Variants in DTNA observed in about 807,000 individuals in gnomAD.
DTNA encodes the protein dystrobrevin alpha.
DTNA carries 43 observed loss-of-function variants against 100.7 expected under a neutral mutation model. The ratio of observed to expected loss-of-function variants is 0.43; its 90% CI spans 0.33 to 0.55. DTNA has a LOEUF of 0.55. Ranked by LOEUF, DTNA falls within the 20% of genes least tolerant of loss-of-function variation. The pLI is 0.04. For synonymous variants in DTNA, 349 were observed against 347.9 expected, an observed-to-expected ratio of 1.00 and a Z score of -0.04; for missense variants, 798 against 953.9, an observed-to-expected ratio of 0.84 and a Z score of 2.15.
chr18:34,504,039 G>A (rs1440621881), intron 1 of DTNA: 1 of 151,008 alleles, frequency 6.6e-6, no homozygotes, highest in African/African-American at 2.4e-5. Flanking sequence ...TGTATTTTTA[G>A]TAGAGATGGG....
In DTNA at chr18:34,699,955, C is replaced by T. The variant is rs529625399; in HGVS notation, c.-1-56021C>T. Among the ~76,000 whole-genome samples the T allele has an allele frequency of 2.0e-5, 3 of 152,186 alleles. No individual in the cohort carries two copies. In the South Asian group the frequency reaches 6.2e-4, roughly 32 times the overall value. ...AAGTTCAAAGGTTATACTCAGGACC[C>T]TGTCTCTTTCCGCCTTTCTCAGCAC... On this transcript the variant is annotated intron_variant, in intron 1 of 19. Transcript: ENST00000283365.
intron 1 of DTNA, among the ~76,000 whole-genome samples, chr18:34,750,356 C>T (rs1236453721): frequency 2.0e-5 from 3 of 152,132 alleles, no homozygotes; most frequent in East Asian, 1.9e-4. Context: ...TAGGAGGATT[C>T]CTTTAAGAAA....
chr18:34,581,857 C>T (rs762438500), intron 1 of DTNA, among the ~76,000 whole-genome samples: 7 of 151,904 alleles, frequency 4.6e-5, no homozygotes, highest in Admixed American at 6.6e-5. Context: ...TTCTTGACCT[C>T]GTGATCCGCC....
At chr18:34,548,549 A>AT (rs1363518972) in intron 1 of DTNA, among the ~76,000 whole-genome samples, 1 of 152,096 alleles carries the variant, frequency 6.6e-6, no homozygotes, top group African/African-American at 2.4e-5. Context: ...ATATTAAGTG[A>AT]TTAAAAAGGC....
chr18:34,599,397 GA>G (rs1236736491), intron 1 of DTNA, among the ~76,000 whole-genome samples: 2 of 152,080 alleles, frequency 1.3e-5, no homozygotes, highest in African/African-American at 2.4e-5. Context: ...CCAAACAGCT[GA>G]ACTCATTTTT....
At chr18:34,623,449 G>C (rs895816098) in intron 1 of DTNA, among the ~76,000 whole-genome samples, 3 of 152,094 alleles carry the variant, frequency 2.0e-5, no homozygotes, top group Non-Finnish European at 4.4e-5. Flanking sequence ...TTCTTTTCTT[G>C]TTTGTACAAA....
At chr18:34,678,056 A>G (rs1216819170) in intron 1 of DTNA, among the ~76,000 whole-genome samples, 1 of 152,164 alleles carries the variant, frequency 6.6e-6, no homozygotes, top group Non-Finnish European at 1.5e-5. Context: ...AGGAGAGAGA[A>G]GTGCCGAGCA....
At chr18:34,611,434 A>G (rs1461983323) in intron 1 of DTNA, among the ~76,000 whole-genome samples, 1 of 152,204 alleles carries the variant, frequency 6.6e-6, no homozygotes, top group Non-Finnish European at 1.5e-5. Context: ...ATAAATCTTT[A>G]TTCATATGAA....
At chr18:34,840,229 C>G (rs1290323139) in intron 13 of DTNA, among the ~76,000 whole-genome samples, 1 of 152,122 alleles carries the variant, frequency 6.6e-6, no homozygotes. Context: ...TGACGTAAAT[C>G]CATCTCTTTC....
At chr18:34,719,156 C>A (rs576960165) in intron 1 of DTNA, among the ~76,000 whole-genome samples, 1 of 151,854 alleles carries the variant, frequency 6.6e-6, no homozygotes, top group South Asian at 2.1e-4. Context: ...ATGGCGAAAC[C>A]CCGTCTCTAC....
In DTNA at chr18:34,848,297, A is replaced by C; in HGVS notation, c.1348A>C (p.Met450Leu). The C allele has an allele frequency of 6.2e-7, 1 of 1,613,990 alleles. No individual in the cohort carries two copies. Among genetic ancestry groups the C allele is most frequent in the Non-Finnish European group, 8.5e-7 (1 of 1,179,902 alleles). ...VNMLRNNPSC[M>L]LESSNRLDEE... ...TCCTTCTTGCTTTGTTCTTAATAGC[A>C]TGCTTGAGAGTTCAAACCGGCTTGA... is the stretch of plus-strand genomic sequence containing the variant. Residue 450 changes from methionine to leucine, a missense_variant and splice_region_variant, in exon 14 of 23, where the codon ATG (methionine) becomes CTG (leucine). By Grantham distance (15) the Met-to-Leu change is conservative. Around this residue, in one of 6 missense-constraint regions of DTNA, gnomAD observed 159 missense variants for 201.2 expected, o/e 0.79. Transcript: ENST00000444659.
chr18:34,849,715 C>G (rs1176052388), intron 14 of DTNA, among the ~76,000 whole-genome samples: 3 of 152,194 alleles, frequency 2.0e-5, no homozygotes, highest in Non-Finnish European at 4.4e-5. Flanking sequence ...CCTTGAAAGT[C>G]TGGATTTTCA....
chr18:34,724,481 C>T (rs910182476), intron 1 of DTNA, among the ~76,000 whole-genome samples: 4 of 152,118 alleles, frequency 2.6e-5, no homozygotes, highest in African/African-American at 9.7e-5. Context: ...TTATTTGGCT[C>T]GCAGTTCTGC....
chr18:34,851,084 C>T (rs2096469118), intron 14 of DTNA, among the ~76,000 whole-genome samples: 1 of 152,132 alleles, frequency 6.6e-6, no homozygotes, highest in African/African-American at 2.4e-5. Flanking sequence ...CCAACTATGA[C>T]TTTAAAACTA....
chr18:34,639,419 T>C (rs973330880), intron 1 of DTNA, among the ~76,000 whole-genome samples: 2 of 152,160 alleles, frequency 1.3e-5, no homozygotes, highest in African/African-American at 4.8e-5. Flanking sequence ...GGCCCTGCTT[T>C]CATGAAGCTT....
At chr18:34,577,508 G>GT (rs1322693961) in intron 1 of DTNA, among the ~76,000 whole-genome samples, 1 of 152,090 alleles carries the variant, frequency 6.6e-6, no homozygotes, top group Non-Finnish European at 1.5e-5. Context: ...ACATGAGTAA[G>GT]TTCTTTAGTA....
chr18:34,803,301 T>C (rs548114581), intron 4 of DTNA, among the ~76,000 whole-genome samples: 4 of 152,000 alleles, frequency 2.6e-5, no homozygotes, highest in African/African-American at 9.7e-5. Flanking sequence ...ATTTATTGTG[T>C]CAATTTGGCA....
At chr18:34,659,237 G>C (rs2074822919) in intron 1 of DTNA, among the ~76,000 whole-genome samples, 1 of 152,102 alleles carries the variant, frequency 6.6e-6, no homozygotes, top group South Asian at 2.1e-4. Flanking sequence ...AAAGGAAAAA[G>C]AAACAGGTGA....
intron 1 of DTNA, among the ~76,000 whole-genome samples, chr18:34,519,360 A>T (rs940077120): frequency 2.6e-5 from 4 of 152,170 alleles, no homozygotes; most frequent in Admixed American, 6.6e-5. Flanking sequence ...CTAGAAGGAA[A>T]CATTAAGGAT....
Sources: allele counts gnomAD v4.1 joint callset (sites outside exome capture counted in the v4.1 genomes callset), GRCh38; gene constraint gnomAD v4.1.1; regional missense constraint gnomAD v4.1.1; transcripts MANE v1.5; gene names NCBI Gene and HGNC (gene_info 2026-07-23, HGNC 2026-07-21).